Variants in SLC27A6 observed in about 807,000 individuals in gnomAD.
SLC27A6 encodes solute carrier family 27 member 6, also known as long-chain fatty acid transport protein 6.
SLC27A6 carries 74 observed loss-of-function variants against 63.9 expected under a neutral mutation model. The observed-to-expected ratio is 1.16, with a 90% CI of 0.96 to 1.40. The LOEUF (loss-of-function observed/expected upper bound fraction) is 1.40. Ranked by LOEUF, SLC27A6 falls within the 40% of genes most tolerant of loss-of-function variation. The pLI is 0.00. For missense variants in SLC27A6, 794 were observed against 732.9 expected, an observed-to-expected ratio of 1.08 and a Z score of -0.96; for synonymous variants, 287 against 260.8, an observed-to-expected ratio of 1.10 and a Z score of -0.97.
At chr5:129,006,488 G>A (rs1751544743) in intron 4 of SLC27A6, among the ~76,000 whole-genome samples, 1 of 146,896 alleles carries the variant, frequency 6.8e-6, no homozygotes, top group African/African-American at 2.5e-5. Flanking sequence ...TGTGTGTTGT[G>A]TGTCTGTGTG....
intron 1 of SLC27A6, among the ~76,000 whole-genome samples, chr5:128,984,142 G>T (rs1183711024): frequency 1.3e-5 from 2 of 152,210 alleles, no homozygotes; most frequent in Non-Finnish European, 2.9e-5. Context: ...AAGTAAGGGA[G>T]TGGTGAATTT....
At chr5:128,974,237 G>T (rs17617072) in intron 1 of SLC27A6, among the ~76,000 whole-genome samples, 2,461 of 152,214 alleles carry the variant, frequency 0.016, 32 homozygotes, top group Non-Finnish European at 0.025. Context: ...TACTTTGCTT[G>T]CCAATAACTA....
At chr5:129,006,912 G>A (rs865837364) in intron 4 of SLC27A6, among the ~76,000 whole-genome samples, 3 of 146,180 alleles carry the variant, frequency 2.1e-5, no homozygotes, top group Non-Finnish European at 4.5e-5. Flanking sequence ...CTTATCTAAA[G>A]TGCAGTTGAA....
In SLC27A6 at chr5:129,006,446, A is replaced by AGTGTGTGTGTGT. The variant is rs72056782; in HGVS notation, c.970-9412_970-9401dup. The stretch of plus-strand genomic sequence containing the variant: ...CCTTTCATATATGTATATATGCATG[A>AGTGTGTGTGTGT]GTGTGTGTGTGTGTGTGTGTGTGTG... On this transcript the variant is annotated intron_variant, in intron 4 of 9. Transcript: ENST00000262462. Among the ~76,000 whole-genome samples, 1,047 of 144,100 alleles carry AGTGTGTGTGTGT rather than the reference A, an allele frequency of 7.3e-3. 3 individuals carry two copies. Among genetic ancestry groups the AGTGTGTGTGTGT allele is most frequent in the Non-Finnish European group, 9.5e-3 (629 of 66,198 alleles). 94.5% of individuals were successfully genotyped at this position (144,100 alleles called of 152,430 possible).
At position 128,980,691 on chromosome 5, in the gene SLC27A6, A is replaced by T. The variant is rs182815332; in HGVS notation, c.482-4442A>T. On this transcript the variant is annotated intron_variant, in intron 1 of 9. Coordinates refer to ENST00000262462, the MANE Select transcript of SLC27A6 (RefSeq NM_001017372.3). ...ATCTCTAATTTCACTTTGAATTCTAATGTTGCTTTGCAGTATGGGAAGCTA... is the reference window on the plus strand; with the variant it reads ...ATCTCTAATTTCACTTTGAATTCTATTGTTGCTTTGCAGTATGGGAAGCTA... Among the ~76,000 whole-genome samples, 234 of 152,314 alleles carry T rather than the reference A, an allele frequency of 1.5e-3. 1 individual carries two copies. The highest frequency in any genetic ancestry group is 5.4e-3 in the African/African-American group (223 of 41,568).
intron 5 of SLC27A6, among the ~76,000 whole-genome samples, chr5:129,016,395 CAAAAAAAA>C (rs759333355): frequency 1.5e-5 from 1 of 64,694 alleles, no homozygotes; most frequent in Non-Finnish European, 3.1e-5. Flanking sequence ...GACTCTGTCT[CAAAAAAAA>C]AAAAAAAAAA....
chr5:128,987,912 C>T (rs1050250278), intron 2 of SLC27A6, among the ~76,000 whole-genome samples: 1 of 151,896 alleles, frequency 6.6e-6, no homozygotes, highest in Non-Finnish European at 1.5e-5. Context: ...AACTATAAGA[C>T]CTGAGTTGTT....
chr5:128,981,503 T>C (rs1479708573), intron 1 of SLC27A6, among the ~76,000 whole-genome samples: 1 of 141,170 alleles, frequency 7.1e-6, no homozygotes, highest in Admixed American at 7.0e-5. Flanking sequence ...GAAAAAAAAA[T>C]CCAGTTGTCT....
At chr5:129,026,485 C>T (rs1403538549) in intron 6 of SLC27A6, among the ~76,000 whole-genome samples, 1 of 152,086 alleles carries the variant, frequency 6.6e-6, no homozygotes, top group African/African-American at 2.4e-5. Flanking sequence ...AGAATAGCAT[C>T]CCAGAGGAAT....
At chr5:128,990,294 C>T (rs749934287) in intron 3 of SLC27A6, 46 bp from the exon 4 acceptor site, 76 of 1,589,468 alleles carry the variant, frequency 4.8e-5, no homozygotes, top group Non-Finnish European at 6.2e-5. Flanking sequence ...GTTCATTCTG[C>T]CTTTGAATTT....
In SLC27A6 at chr5:128,995,175, A is replaced by T. The variant is rs528412030; in HGVS notation, c.969+4711A>T. ...TCTTTAATATTGATTGGTGAGGAATATGTTGGAACTCTAGACATCAGTGAT... is the reference window on the plus strand; with the variant it reads ...TCTTTAATATTGATTGGTGAGGAATTTGTTGGAACTCTAGACATCAGTGAT... On this transcript the variant is annotated intron_variant, in intron 4 of 9. Transcript: ENST00000262462. Among the ~76,000 whole-genome samples the T allele has an allele frequency of 6.6e-5, 10 of 152,304 alleles. No homozygotes were observed. The South Asian group carries it at 2.1e-3, about 32-fold the overall frequency.
intron 9 of SLC27A6, among the ~76,000 whole-genome samples, chr5:129,032,588 G>A (rs749304415): frequency 6.6e-6 from 1 of 152,024 alleles, no homozygotes; most frequent in Non-Finnish European, 1.5e-5. Flanking sequence ...TATCCTGTGA[G>A]GACCTTGGAA....
intron 5 of SLC27A6, among the ~76,000 whole-genome samples, chr5:129,023,186 G>C (rs1252409562): frequency 6.6e-6 from 1 of 151,698 alleles, no homozygotes; most frequent in East Asian, 1.9e-4. Context: ...ATACTGTGAG[G>C]AAAAAATAAC....
At chr5:128,983,082 A>G (rs1055425812) in intron 1 of SLC27A6, among the ~76,000 whole-genome samples, 9 of 152,152 alleles carry the variant, frequency 5.9e-5, no homozygotes, top group African/African-American at 2.2e-4. Context: ...AACTAACCCA[A>G]TGACTGATAG....
intron 4 of SLC27A6, among the ~76,000 whole-genome samples, chr5:129,006,686 A>G (rs1008512935): frequency 6.6e-6 from 1 of 152,204 alleles, no homozygotes; most frequent in East Asian, 1.9e-4. Context: ...AATCTGTAAA[A>G]TAACAACAGT....
chr5:129,031,619 T>C (rs990346305), intron 9 of SLC27A6, among the ~76,000 whole-genome samples: 10 of 151,972 alleles, frequency 6.6e-5, no homozygotes, highest in African/African-American at 2.4e-4. Context: ...AACACATTTT[T>C]TATTTCTAGT....
chr5:128,985,395 G>A (rs1302286495), intron 2 of SLC27A6, 59 bp downstream of exon 2: 4 of 1,445,574 alleles, frequency 2.8e-6, no homozygotes, highest in Middle Eastern at 2.0e-4. Flanking sequence ...AAGCAACAGT[G>A]TTGGGCAAAT....
intron 9 of SLC27A6, among the ~76,000 whole-genome samples, chr5:129,031,938 G>C (rs1355619925): frequency 1.3e-5 from 2 of 151,764 alleles, no homozygotes; most frequent in Non-Finnish European, 2.9e-5. Flanking sequence ...CAGGGAAGGG[G>C]GTTCAAAGTG....
chr5:129,016,049 A>T lies in SLC27A6; in HGVS notation c.1134A>T (p.Gly378=), dbSNP rs776149781. The part of the protein sequence containing the change: ...ISFMNYTGRI[G]AIGRTNLFYK... Reference sequence around the variant, plus strand: ...TCATGAACTACACTGGGAGAATTGGAGCAATTGGGAGAACAAATTTGTTTT... The same window carrying T: ...TCATGAACTACACTGGGAGAATTGGTGCAATTGGGAGAACAAATTTGTTTT... Residue 378 remains glycine, a synonymous_variant, in exon 5 of 10, where the codon GGA becomes GGT. Coordinates refer to ENST00000262462, the MANE Select transcript of SLC27A6 (RefSeq NM_001017372.3). 1.4e-5 allele frequency: 22 copies of T among 1,587,718 alleles called. No homozygotes were observed. The highest frequency in any genetic ancestry group is 1.7e-5 in the Non-Finnish European group (20 of 1,173,056).
Sources: gnomAD v4.1 joint callset for allele counts (sites outside exome capture counted in the v4.1 genomes callset) on GRCh38, gnomAD v4.1.1 for gene constraint, MANE v1.5 for transcripts, NCBI Gene and HGNC (gene_info 2026-07-23, HGNC 2026-07-21) for gene names.